PDS5A: variants seen among roughly 807,000 people sequenced by gnomAD.
The protein encoded by PDS5A is PDS5 cohesin associated factor A.
A neutral mutation model predicts 167.1 loss-of-function variants in PDS5A; 42 were observed. The observed-to-expected ratio is 0.25, with a 90% CI of 0.20 to 0.33. The LOEUF is 0.33. Among genes scored for constraint, PDS5A ranks in the 10% least tolerant of loss-of-function variants. PDS5A has a pLI of 1.00. For synonymous variants in PDS5A, 553 were observed against 554.6 expected (o/e 1.00, Z 0.04); for missense variants, 1,033 against 1,605.9 (o/e 0.64, Z 6.10).
At chr4:39,930,330 C>T (rs754160936) in intron 2 of PDS5A, among the ~76,000 whole-genome samples, 8 of 143,852 alleles carry the variant, frequency 5.6e-5, no homozygotes, top group Non-Finnish European at 1.1e-4. Context: ...TGGGCTCAAG[C>T]GACCTGCCTG....
intron 21 of PDS5A, among the ~76,000 whole-genome samples, chr4:39,872,178 T>A (rs992804824): frequency 6.7e-5 from 10 of 148,682 alleles, no homozygotes; most frequent in African/African-American, 2.5e-4. Flanking sequence ...CTTACTTTTT[T>A]TTTTTTTTTT....
At chr4:39,849,933 A>G in intron 26 of PDS5A, among the ~76,000 whole-genome samples, 1 of 152,134 alleles carries the variant, frequency 6.6e-6, no homozygotes, top group Admixed American at 6.6e-5. Flanking sequence ...GCTCGTGCCT[A>G]TAACCTCAGC....
intron 14 of PDS5A, among the ~76,000 whole-genome samples, chr4:39,899,518 G>A (rs1722696834): frequency 6.6e-6 from 1 of 152,100 alleles, no homozygotes; most frequent in Admixed American, 6.5e-5. Flanking sequence ...TCTATGCCTT[G>A]CAAAATATGT....
intron 2 of PDS5A, among the ~76,000 whole-genome samples, chr4:39,961,207 G>A (rs1379218454): frequency 2.6e-5 from 4 of 152,054 alleles, no homozygotes; most frequent in South Asian, 2.1e-4. Flanking sequence ...TATAATCTTG[G>A]ATTTCATATA....
At chr4:39,926,685 A>G in intron 4 of PDS5A, 90 bp downstream of exon 4, 1 of 895,748 alleles carries the variant, frequency 1.1e-6, no homozygotes, top group Non-Finnish European at 1.6e-6. Context: ...TGAATAAAAT[A>G]AACACTCATT....
At chr4:39,944,377 A>G (rs531705306) in intron 2 of PDS5A, among the ~76,000 whole-genome samples, 1 of 152,126 alleles carries the variant, frequency 6.6e-6, no homozygotes, top group South Asian at 2.1e-4. Flanking sequence ...ATAAGGTCCT[A>G]AAACATTATG....
At chr4:39,842,909 T>TATATATATA (rs1717167841) in intron 30 of PDS5A, among the ~76,000 whole-genome samples, 23 of 92,302 alleles carry the variant, frequency 2.5e-4, no homozygotes, top group East Asian at 7.7e-4. Context: ...TATCCTATTT[T>TATATATATA]TATATATATA....
chr4:39,917,663 CT>C (rs1724515791), intron 7 of PDS5A, among the ~76,000 whole-genome samples: 2 of 152,060 alleles, frequency 1.3e-5, no homozygotes, highest in African/African-American at 2.4e-5. Flanking sequence ...CAACTTCCAC[CT>C]CCGAGGTTCA....
chr4:39,830,974 G>A (rs1462956458), intron 32 of PDS5A, among the ~76,000 whole-genome samples: 3 of 152,202 alleles, frequency 2.0e-5, no homozygotes, highest in South Asian at 2.1e-4. Flanking sequence ...AATGGCTCAC[G>A]CCTATAATCC....
chr4:39,876,914 C>A, intron 19 of PDS5A, 79 bp downstream of exon 19: 1 of 1,095,122 alleles, frequency 9.1e-7, no homozygotes. Flanking sequence ...TATCTTCCTA[C>A]ACAGAAGGAA....
At chr4:39,895,796 C>T (rs1480962830) in intron 16 of PDS5A, among the ~76,000 whole-genome samples, 2 of 151,470 alleles carry the variant, frequency 1.3e-5, no homozygotes, top group Non-Finnish European at 2.9e-5. Context: ...CAGCTCATTA[C>T]AAGCTCCGCC....
rs1715076857 is a variant in PDS5A, at chr4:39,824,216, T to C, written c.*1269A>G. 6.6e-6 allele frequency: 1 copy of C among 152,210 alleles called. No individual in the cohort carries two copies. The highest frequency in any genetic ancestry group is 2.4e-5 in the African/African-American group (1 of 41,460). The allele number at this position is 152,210 out of a possible 1,614,324, so 9.4% of individuals were successfully genotyped here. A position where few individuals can be genotyped will look rare whatever the true frequency, so the allele number is the denominator to read the frequency against. ...CCTGAGGCTTAGTCACTATTTTATA[T>C]AGATAATGGAGAGTTGACTGTAATC... On this transcript the variant is annotated 3_prime_UTR_variant, in exon 33 of 33. Transcript: ENST00000303538.
chr4:39,935,443 T>C (rs1726505560), intron 2 of PDS5A, among the ~76,000 whole-genome samples: 2 of 152,248 alleles, frequency 1.3e-5, no homozygotes, highest in South Asian at 4.1e-4. Flanking sequence ...GGTTTTTATA[T>C]GTATGTCTAT....
rs376582051 is a variant in PDS5A, at chr4:39,870,226, T to C, written c.2437-764A>G. On this transcript the variant is annotated intron_variant, in intron 21 of 32. Transcript: ENST00000303538. The stretch of plus-strand genomic sequence containing the variant: ...GAATTAACTCAGAATTAATCAAATA[T>C]CTCAATTTAATAGCTAAAACCATAA... Among the ~76,000 whole-genome samples the C allele has an allele frequency of 3.7e-4, 57 of 152,134 alleles. No individual in the cohort carries two copies. The South Asian group carries it at 0.012, about 32-fold the overall frequency.
At chr4:39,896,993 C>T (rs763079544) in intron 16 of PDS5A, among the ~76,000 whole-genome samples, 3 of 151,602 alleles carry the variant, frequency 2.0e-5, no homozygotes, top group Non-Finnish European at 4.4e-5. Flanking sequence ...TGGTAGTTTG[C>T]TACACCCATC....
Position 39,838,196 on chromosome 4 carries a change from C to T in PDS5A, c.3670G>A (p.Asp1224Asn). The change falls in exon 32 of 33, where the codon GAT becomes AAT. Residue 1224 changes from aspartate (D) to asparagine (N), a missense_variant. By Grantham distance (23) the Asp-to-Asn change is conservative. This residue lies in a region of PDS5A where 233 missense variants were observed against 264.0 expected (regional missense o/e 0.88). Coordinates refer to ENST00000303538, the MANE Select transcript of PDS5A (RefSeq NM_001100399.2). ...DPVKNKEINS[D>N]QATQGNISSD... ...CTGATGTTGCCCTGGGTAGCCTGAT[C>T]AGAATTAATTTCCTAAAAAAGCACA... The T allele has an allele frequency of 1.3e-6, 2 of 1,569,160 alleles. No individual in the cohort carries two copies. The highest frequency in any genetic ancestry group is 1.7e-6 in the Non-Finnish European group (2 of 1,162,312).
At chr4:39,916,754 T>C (rs970747792) in intron 8 of PDS5A, among the ~76,000 whole-genome samples, 3 of 151,946 alleles carry the variant, frequency 2.0e-5, no homozygotes, top group African/African-American at 2.4e-5. Flanking sequence ...TAGTCCCAGC[T>C]ACTCGGGAGG....
chr4:39,877,993 CCTT>C (rs1275944303), intron 18 of PDS5A, among the ~76,000 whole-genome samples: 3 of 152,212 alleles, frequency 2.0e-5, no homozygotes, highest in Admixed American at 1.3e-4. Flanking sequence ...ATAATTATTC[CCTT>C]ATTATAACAC....
chr4:39,913,327 C>T (rs894450817), intron 9 of PDS5A, among the ~76,000 whole-genome samples: 7 of 152,168 alleles, frequency 4.6e-5, no homozygotes, highest in Admixed American at 3.3e-4. Context: ...GATCCGCCCA[C>T]CTCAGCCTCC....
Sources: allele counts gnomAD v4.1 joint callset (sites outside exome capture counted in the v4.1 genomes callset), GRCh38; gene constraint gnomAD v4.1.1; regional missense constraint gnomAD v4.1.1; transcripts MANE v1.5; gene names NCBI Gene and HGNC (gene_info 2026-07-23, HGNC 2026-07-21).